Variants in CSGALNACT1 observed in about 807,000 individuals in gnomAD.
CSGALNACT1 encodes the protein beta4GalNAcT-1.
In CSGALNACT1, 52 loss-of-function variants were observed where a neutral mutation model predicts 51.0. The observed-to-expected ratio is 1.02, with a 90% CI of 0.82 to 1.29. The LOEUF (loss-of-function observed/expected upper bound fraction) is 1.29, where lower values mean the gene tolerates loss of function less well. Ranked by LOEUF, CSGALNACT1 falls within the 50% of genes most tolerant of loss-of-function variation. The pLI, the probability that CSGALNACT1 is intolerant of heterozygous loss-of-function variation, is 0.00. For synonymous variants in CSGALNACT1, 341 were observed against 254.4 expected, an observed-to-expected ratio of 1.34 and a Z score of -3.24; for missense variants, 935 against 679.2, an observed-to-expected ratio of 1.38 and a Z score of -4.19.
At chr8:19,504,324 C>T (rs76156997) in intron 4 of CSGALNACT1, among the ~76,000 whole-genome samples, 2 of 152,096 alleles carry the variant, frequency 1.3e-5, no homozygotes, top group East Asian at 1.9e-4. Context: ...GATCCGCCTG[C>T]CTGGGCCTCC....
intron 1 of CSGALNACT1, chr8:19,678,819 C>CAA (rs2060382804): frequency 6.6e-6 from 1 of 152,154 alleles, no homozygotes; most frequent in Non-Finnish European, 1.5e-5. Context: ...TCCAAAAGGA[C>CAA]AAGACCTGGT....
intron 1 of CSGALNACT1, chr8:19,688,925 T>A (rs756877882): frequency 4.8e-4 from 73 of 152,412 alleles, no homozygotes; most frequent in African/African-American, 1.8e-3. Context: ...GATTCCTATC[T>A]GGACGTGCAG....
At position 19,567,834 on chromosome 8, in the gene CSGALNACT1, C is replaced by T. The variant is rs1330271615; in HGVS notation, c.-297+23326G>A. ...AAAACACAATGTGGAAAAATCAATT[C>T]TATTTTAATATAAGCACAAAGAGTT... On this transcript the variant is annotated intron_variant, in intron 3 of 9. Coordinates refer to ENST00000454498, the Ensembl canonical transcript of CSGALNACT1. Among the ~76,000 whole-genome samples the T allele has an allele frequency of 2.6e-5, 4 of 151,928 alleles. No homozygotes were observed. The East Asian group carries it at 7.7e-4, about 29-fold the overall frequency.
At chr8:19,416,040 C>A (rs541443552) in intron 8 of CSGALNACT1, among the ~76,000 whole-genome samples, 1 of 151,094 alleles carries the variant, frequency 6.6e-6, no homozygotes, top group South Asian at 2.1e-4. Flanking sequence ...TTTCCGTCAA[C>A]AACAGGCTGC....
At chr8:19,664,709 C>A (rs1053232019) in intron 1 of CSGALNACT1, among the ~76,000 whole-genome samples, 6 of 151,658 alleles carry the variant, frequency 4.0e-5, no homozygotes, top group Non-Finnish European at 7.4e-5. Context: ...TACTCAGCCA[C>A]AAAAAAAGAA....
intron 1 of CSGALNACT1, among the ~76,000 whole-genome samples, chr8:19,742,443 C>A (rs2064372120): frequency 6.6e-6 from 1 of 152,222 alleles, no homozygotes; most frequent in African/African-American, 2.4e-5. Context: ...AAGACCTGAT[C>A]ACTGCCCTTG....
intron 1 of CSGALNACT1, among the ~76,000 whole-genome samples, chr8:19,624,946 G>C (rs1256241577): frequency 6.6e-6 from 1 of 152,100 alleles, no homozygotes; most frequent in African/African-American, 2.4e-5. Flanking sequence ...CAAAATGCCG[G>C]GATTACAGGC....
rs1216300879 is a variant in CSGALNACT1, at chr8:19,509,341, CG to C, written c.-296-3212del. ...ATCATTCTTAAAAGTGGGTGTTGGC[CG>C]GGCACGGTGGCTCACACCTGTAATC... On this transcript the variant is annotated intron_variant, in intron 3 of 9. Coordinates refer to ENST00000454498, the Ensembl canonical transcript of CSGALNACT1. Among the ~76,000 whole-genome samples the C allele has an allele frequency of 2.0e-5, 3 of 152,098 alleles. No homozygotes were observed. In the East Asian group the frequency reaches 5.8e-4, roughly 29 times the overall value.
At chr8:19,597,790 C>A (rs770849562) in intron 2 of CSGALNACT1, among the ~76,000 whole-genome samples, 9 of 152,212 alleles carry the variant, frequency 5.9e-5, no homozygotes, top group Non-Finnish European at 1.0e-4. Flanking sequence ...CAGACACCAG[C>A]AACTCCTTCA....
chr8:19,734,409 T>C (rs2063852770), intron 1 of CSGALNACT1, among the ~76,000 whole-genome samples: 1 of 152,194 alleles, frequency 6.6e-6, no homozygotes, highest in Admixed American at 6.5e-5. Flanking sequence ...CCTCATGATA[T>C]TGCACCCAAA....
chr8:19,515,913 T>C (rs1409232955), intron 3 of CSGALNACT1, among the ~76,000 whole-genome samples: 2 of 152,096 alleles, frequency 1.3e-5, no homozygotes, highest in African/African-American at 4.8e-5. Context: ...GGCAGGACAC[T>C]GGCATAAGAA....
At chr8:19,457,111 G>A (rs544598854) in intron 5 of CSGALNACT1, among the ~76,000 whole-genome samples, 8 of 152,164 alleles carry the variant, frequency 5.3e-5, no homozygotes, top group South Asian at 2.1e-4. Context: ...AGAACCCTAC[G>A]TCAGAAAGAC....
intron 3 of CSGALNACT1, among the ~76,000 whole-genome samples, chr8:19,568,469 TG>T (rs2154106220): frequency 6.6e-6 from 1 of 152,258 alleles, no homozygotes; most frequent in African/African-American, 2.4e-5. Context: ...TCTGATCAGA[TG>T]GGTGCAATAT....
intron 4 of CSGALNACT1, among the ~76,000 whole-genome samples, chr8:19,503,019 C>T (rs377366190): frequency 2.6e-5 from 4 of 152,216 alleles, no homozygotes; most frequent in African/African-American, 7.2e-5. Context: ...TTCTATCACA[C>T]CTGCAGCTTC....
chr8:19,736,728 GA>G (rs1369940029), intron 1 of CSGALNACT1, among the ~76,000 whole-genome samples: 1 of 152,040 alleles, frequency 6.6e-6, no homozygotes, highest in Non-Finnish European at 1.5e-5. Context: ...AGCACAGAGG[GA>G]GAAAAAAGAT....
At chr8:19,737,959 G>A (rs917560195) in intron 1 of CSGALNACT1, among the ~76,000 whole-genome samples, 1 of 152,214 alleles carries the variant, frequency 6.6e-6, no homozygotes, top group Non-Finnish European at 1.5e-5. Flanking sequence ...GAGTTCTGGA[G>A]ATGGGCAGTG....
At chr8:19,485,598 T>A (rs1420905281) in intron 4 of CSGALNACT1, among the ~76,000 whole-genome samples, 1 of 151,990 alleles carries the variant, frequency 6.6e-6, no homozygotes, top group African/African-American at 2.4e-5. Context: ...CTAGCTTATT[T>A]ACTAGGTACA....
At chr8:19,554,501 C>T (rs1018730156) in intron 3 of CSGALNACT1, among the ~76,000 whole-genome samples, 5 of 51,282 alleles carry the variant, frequency 9.8e-5, no homozygotes, top group Non-Finnish European at 1.8e-4. Flanking sequence ...TATTAAGTTA[C>T]TTAAATAGAG....
rs377411028 is a variant in CSGALNACT1, at chr8:19,459,382, CAAAAAAA to C, written c.635-747_635-741del. Among the ~76,000 whole-genome samples the C allele has an allele frequency of 0.017, 1,207 of 69,178 alleles. 48 individuals carry two copies. In the East Asian group the frequency reaches 0.23, roughly 13 times the overall value. The allele number at this position is 69,178 out of a possible 152,430, so 45.4% of individuals were successfully genotyped here. The stretch of plus-strand genomic sequence containing the variant: ...TGGGCAACAGAGCGAAACTTTATCT[CAAAAAAA>C]AAAAAAAAAAAAAAAAAAGGAAAGA... On this transcript the variant is annotated intron_variant, in intron 4 of 9. Transcript: ENST00000454498.
Sources: gnomAD v4.1 joint callset for allele counts (sites outside exome capture counted in the v4.1 genomes callset) on GRCh38, gnomAD v4.1.1 for gene constraint, MANE v1.5 for transcripts, NCBI Gene and HGNC (gene_info 2026-07-23, HGNC 2026-07-21) for gene names.